FRMPD4: variants seen among roughly 807,000 people sequenced by gnomAD.
FRMPD4 encodes the protein FERM and PDZ domain-containing protein 4.
Under a neutral mutation model 94.1 loss-of-function variants are expected in FRMPD4, and 22 were observed. The observed-to-expected ratio is 0.23, with a 90% confidence interval of 0.17 to 0.33. The LOEUF (loss-of-function observed/expected upper bound fraction) is 0.33. Among genes scored for constraint, FRMPD4 ranks in the 10% least tolerant of loss-of-function variants. The pLI, the probability that FRMPD4 is intolerant of heterozygous loss-of-function variation, is 1.00. For missense variants in FRMPD4, 1,111 were observed against 1,339.9 expected, an observed-to-expected ratio of 0.83 and a Z score of 2.67; for synonymous variants, 631 against 548.6, an observed-to-expected ratio of 1.15 and a Z score of -2.10.
intron 3 of FRMPD4, among the ~76,000 whole-genome samples, chrX:12,083,427 C>G (rs1315608378): frequency 8.9e-6 from 1 of 112,864 alleles, no homozygotes; most frequent in Admixed American, 9.3e-5. Context: ...GATGCCCAGG[C>G]AAAAGTTTGC....
At position 12,324,710 on chromosome X, in the gene FRMPD4, A is replaced by G. The variant is rs1359163673; in HGVS notation, c.42-173970A>G. ...CTTAGATTTTAATTGACATGAAACT[A>G]CATTCATAAATATGTATGTTGATAC... is the stretch of plus-strand genomic sequence containing the variant. On this transcript the variant is annotated intron_variant, in intron 1 of 16. Coordinates refer to ENST00000675598, the MANE Select transcript of FRMPD4 (RefSeq NM_001368397.1). Among the ~76,000 whole-genome samples the G allele has an allele frequency of 9.8e-5, 11 of 112,362 alleles. No individual in the cohort carries two copies. The East Asian group carries it at 3.0e-3, about 31-fold the overall frequency.
At chrX:12,292,106 G>A (rs765867860) in intron 1 of FRMPD4, among the ~76,000 whole-genome samples, 5 of 111,377 alleles carry the variant, frequency 4.5e-5, no homozygotes, top group Admixed American at 1.9e-4. Flanking sequence ...ACACATCCTG[G>A]GGAACCATGG....
chrX:12,158,404 T>A (rs190182776), intron 1 of FRMPD4, among the ~76,000 whole-genome samples: 15 of 112,108 alleles, frequency 1.3e-4, no homozygotes, highest in African/African-American at 4.2e-4. Flanking sequence ...TCTTATTTTT[T>A]AAGACTGTTC....
chrX:12,626,135 T>A (rs778975443), intron 4 of FRMPD4, among the ~76,000 whole-genome samples: 47 of 110,391 alleles, frequency 4.3e-4, no homozygotes, highest in African/African-American at 1.2e-3. Context: ...AAGACCAGCC[T>A]GGTCAACATA....
intron 1 of FRMPD4, among the ~76,000 whole-genome samples, chrX:12,331,807 AT>A (rs374635278): frequency 3.4e-4 from 12 of 35,191 alleles, no homozygotes; most frequent in African/African-American, 1.7e-3. Flanking sequence ...TAAATTATAT[AT>A]ATTTATATAC....
At chrX:11,831,302 A>G (rs2053473487) in intron 1 of FRMPD4, among the ~76,000 whole-genome samples, 2 of 111,781 alleles carry the variant, frequency 1.8e-5, no homozygotes, top group South Asian at 7.5e-4. Context: ...GATGGAAGGC[A>G]GAGGTTGGTT....
chrX:12,350,397 T>A (rs2055784195), intron 1 of FRMPD4, among the ~76,000 whole-genome samples: 1 of 111,753 alleles, frequency 8.9e-6, no homozygotes, highest in African/African-American at 3.2e-5. Context: ...GCAAAACTTC[T>A]GGCCTGTTTT....
At chrX:12,317,283 A>C (rs1293093492) in intron 1 of FRMPD4, among the ~76,000 whole-genome samples, 1 of 111,762 alleles carries the variant, frequency 8.9e-6, no homozygotes, top group Non-Finnish European at 1.9e-5. Flanking sequence ...AATCAAATCA[A>C]AATGAATTAA....
chrX:12,170,283 A>G (rs1482852878), intron 1 of FRMPD4, among the ~76,000 whole-genome samples: 2 of 109,868 alleles, frequency 1.8e-5, no homozygotes, highest in African/African-American at 6.6e-5. Context: ...TATGGTTGTC[A>G]ATCATGAACC....
intron 1 of FRMPD4, among the ~76,000 whole-genome samples, chrX:12,370,684 G>A (rs2056150749): frequency 8.9e-6 from 1 of 112,669 alleles, no homozygotes; most frequent in South Asian, 3.6e-4. Flanking sequence ...TATTACGTGA[G>A]AAGAAGGAAG....
intron 3 of FRMPD4, among the ~76,000 whole-genome samples, chrX:12,030,375 G>A (rs748338001): frequency 8.9e-6 from 1 of 112,322 alleles, no homozygotes; most frequent in Admixed American, 9.4e-5. Context: ...TCCCCAGGTA[G>A]ACCTGTTGGT....
chrX:11,823,305 AATT>A (rs1175828931), intron 1 of FRMPD4, among the ~76,000 whole-genome samples: 31 of 107,508 alleles, frequency 2.9e-4, no homozygotes, highest in South Asian at 4.0e-4. Context: ...TAATAATAAT[AATT>A]ATTATTATTA....
chrX:12,045,799 A>T (rs1479179245), intron 3 of FRMPD4, among the ~76,000 whole-genome samples: 2 of 111,596 alleles, frequency 1.8e-5, no homozygotes, highest in African/African-American at 3.3e-5. Context: ...AAATATTATG[A>T]CTATATGAGA....
chrX:12,201,174 A>G (rs1280258340), intron 1 of FRMPD4, among the ~76,000 whole-genome samples: 2 of 112,197 alleles, frequency 1.8e-5, no homozygotes. Context: ...GAACAGAAAG[A>G]ATGACAAGTT....
At chrX:12,292,236 C>T (rs758385073) in intron 1 of FRMPD4, among the ~76,000 whole-genome samples, 1 of 111,777 alleles carries the variant, frequency 8.9e-6, no homozygotes, top group South Asian at 3.8e-4. Context: ...GAAGTAGCAG[C>T]AATTCTGATT....
At chrX:12,250,056 GTGTGTGTT>G (rs1345344953) in intron 1 of FRMPD4, among the ~76,000 whole-genome samples, 4 of 85,437 alleles carry the variant, frequency 4.7e-5, no homozygotes, top group South Asian at 5.9e-4. Context: ...CTCTGTGTGT[GTGTGTGTT>G]TGTGTGTTTG....
exon 2 of FRMPD4, among the ~76,000 whole-genome samples, chrX:11,865,216 G>C (rs2053711628): frequency 8.9e-6 from 1 of 111,975 alleles, no homozygotes; most frequent in Non-Finnish European, 1.9e-5. Context: ...GAAATATACA[G>C]GTAAGTGGTT....
intron 4 of FRMPD4, among the ~76,000 whole-genome samples, chrX:12,632,721 T>C (rs2059407047): frequency 9.0e-6 from 1 of 111,542 alleles, no homozygotes; most frequent in African/African-American, 3.3e-5. Flanking sequence ...ACTCTCTCCC[T>C]ACCAGGAATC....
rs1012227257 is a variant in FRMPD4, at chrX:12,204,760, TCTC to T, written c.41+65752_41+65754del. 3.3e-4 allele frequency among the ~76,000 whole-genome samples: 36 copies of T among 110,719 alleles called. 1 individual carries two copies. Among genetic ancestry groups the T allele is most frequent in the African/African-American group, 1.1e-3 (35 of 30,453 alleles). On this transcript the variant is annotated intron_variant, in intron 1 of 16. Coordinates refer to ENST00000675598, the MANE Select transcript of FRMPD4 (RefSeq NM_001368397.1). ...CTCTGTATCTTGACATTTTAAACAT[TCTC>T]CTCTTTCTCTACATCACCTGCCTAG...
Sources: gnomAD v4.1 joint callset for allele counts (sites outside exome capture counted in the v4.1 genomes callset) on GRCh38, gnomAD v4.1.1 for gene constraint, MANE v1.5 for transcripts, NCBI Gene and HGNC (gene_info 2026-07-23, HGNC 2026-07-21) for gene names.